DGKI: variants seen among roughly 807,000 people sequenced by gnomAD.
DGKI encodes the protein diacylglycerol kinase iota, also known as DAG kinase iota.
A neutral mutation model predicts 147.5 loss-of-function variants in DGKI; 55 were observed. The ratio of observed to expected loss-of-function variants is 0.37; its 90% CI spans 0.30 to 0.47. The LOEUF is 0.47. DGKI is among the 20% of genes least tolerant of loss of function. The pLI, the probability that DGKI is intolerant of heterozygous loss-of-function variation, is 1.00. For missense variants in DGKI, 1,007 were observed against 1,323.8 expected (o/e 0.76, Z 3.71); for synonymous variants, 469 against 477.1 (o/e 0.98, Z 0.22).
intron 1 of DGKI, among the ~76,000 whole-genome samples, chr7:137,838,205 A>G (rs909911553): frequency 6.6e-6 from 1 of 151,834 alleles, no homozygotes; most frequent in African/African-American, 2.4e-5. Flanking sequence ...GGGTTTTACC[A>G]TGTTGGCCAG....
At chr7:137,615,754 A>T (rs1321754607) in intron 8 of DGKI, among the ~76,000 whole-genome samples, 1 of 152,136 alleles carries the variant, frequency 6.6e-6, no homozygotes, top group Middle Eastern at 3.2e-3. Context: ...CTATGAACAG[A>T]TCAGAGACAC....
At chr7:137,598,044 T>C in intron 11 of DGKI, 137 bp from the exon 12 acceptor site, 1 of 700,420 alleles carries the variant, frequency 1.4e-6, no homozygotes, top group Non-Finnish European at 2.5e-6. Flanking sequence ...GACAATGCTA[T>C]CATAGGTCCC....
chr7:137,775,759 G>C (rs1216696978), intron 1 of DGKI, among the ~76,000 whole-genome samples: 2 of 152,136 alleles, frequency 1.3e-5, no homozygotes, highest in Non-Finnish European at 2.9e-5. Flanking sequence ...GAACTCGATA[G>C]ATAAACTTAT....
intron 3 of DGKI, among the ~76,000 whole-genome samples, chr7:137,665,432 T>C (rs891680163): frequency 6.6e-6 from 1 of 152,214 alleles, no homozygotes; most frequent in African/African-American, 2.4e-5. Context: ...TTGCTGTTCA[T>C]GTGTATGCTG....
At chr7:137,823,647 G>C (rs1797970909) in intron 1 of DGKI, among the ~76,000 whole-genome samples, 1 of 152,214 alleles carries the variant, frequency 6.6e-6, no homozygotes, top group Admixed American at 6.5e-5. Flanking sequence ...AAATCTGGAA[G>C]TCAGAGGATC....
chr7:137,396,891 G>T (rs1217201801), intron 31 of DGKI, among the ~76,000 whole-genome samples: 1 of 152,218 alleles, frequency 6.6e-6, no homozygotes, highest in African/African-American at 2.4e-5. Context: ...AACCACAGAA[G>T]ACAGAAAATA....
intron 20 of DGKI, among the ~76,000 whole-genome samples, chr7:137,536,126 T>C (rs945711970): frequency 1.3e-5 from 2 of 152,070 alleles, no homozygotes; most frequent in African/African-American, 4.8e-5. Flanking sequence ...ATAATAGAGA[T>C]AAATATACAT....
chr7:137,521,740 T>A (rs1816967560), intron 21 of DGKI, 126 bp downstream of exon 21: 2 of 692,968 alleles, frequency 2.9e-6, no homozygotes, highest in Non-Finnish European at 5.0e-6. Flanking sequence ...TTACTGTGTT[T>A]CACTTCACTT....
chr7:137,397,476 A>T, intron 30 of DGKI, 63 bp from the exon 31 acceptor site: 3 of 1,521,842 alleles, frequency 2.0e-6, no homozygotes, highest in Non-Finnish European at 2.7e-6. Flanking sequence ...ATTAACAGAA[A>T]ATCTATAGTC....
chr7:137,766,061 C>A (rs1423555996), intron 1 of DGKI, among the ~76,000 whole-genome samples: 1 of 152,152 alleles, frequency 6.6e-6, no homozygotes. Context: ...AACCAGCTCT[C>A]AGCCCCTTTC....
At chr7:137,415,332 T>A (rs1169424145) in intron 28 of DGKI, among the ~76,000 whole-genome samples, 5 of 152,340 alleles carry the variant, frequency 3.3e-5, no homozygotes, top group Middle Eastern at 3.4e-3. Context: ...AACAACTATT[T>A]ATATAGCATT....
At chr7:137,443,344 A>C (rs1813585641) in intron 28 of DGKI, among the ~76,000 whole-genome samples, 1 of 152,212 alleles carries the variant, frequency 6.6e-6, no homozygotes, top group Non-Finnish European at 1.5e-5. Flanking sequence ...AGAAATATAG[A>C]GGTATGGATA....
chr7:137,811,730 TGAA>T (rs1563208797), intron 1 of DGKI, among the ~76,000 whole-genome samples: 1 of 152,248 alleles, frequency 6.6e-6, no homozygotes, highest in African/African-American at 2.4e-5. Context: ...GATTCCATAC[TGAA>T]GAAGAACTAC....
At chr7:137,538,487 C>T (rs1817588046) in intron 20 of DGKI, among the ~76,000 whole-genome samples, 1 of 152,188 alleles carries the variant, frequency 6.6e-6, no homozygotes, top group South Asian at 2.1e-4. Context: ...AGCAGACCCA[C>T]ACAATTTAGC....
At chr7:137,561,660 C>T (rs770638646) in intron 19 of DGKI, among the ~76,000 whole-genome samples, 2 of 152,016 alleles carry the variant, frequency 1.3e-5, no homozygotes, top group Non-Finnish European at 2.9e-5. Flanking sequence ...TGTGTTGAAG[C>T]ATCATTATGT....
chr7:137,553,946 C>T (rs974280602), intron 19 of DGKI, among the ~76,000 whole-genome samples: 34 of 152,256 alleles, frequency 2.2e-4, no homozygotes, highest in African/African-American at 6.5e-4. Context: ...TGAGTCTAAC[C>T]GGACTGAAAA....
intron 3 of DGKI, among the ~76,000 whole-genome samples, chr7:137,668,717 A>G (rs1822733350): frequency 6.6e-6 from 1 of 152,176 alleles, no homozygotes; most frequent in Non-Finnish European, 1.5e-5. Context: ...GTGTGCTGTA[A>G]AAGGTTGACA....
rs556493156 is a variant in DGKI, at chr7:137,694,849, G to A, written c.402-4847C>T. Among the ~76,000 whole-genome samples, 20 of 152,208 alleles carry A rather than the reference G, an allele frequency of 1.3e-4. 1 individual carries two copies. In the South Asian group the frequency reaches 3.7e-3, roughly 28 times the overall value. Reference sequence around the variant, plus strand: ...CAATAAAAAAATTGTCCCAAGCCCCGCACAAACTTCACCTCTGATTTATGT... The same window carrying A: ...CAATAAAAAAATTGTCCCAAGCCCCACACAAACTTCACCTCTGATTTATGT... On this transcript the variant is annotated intron_variant, in intron 1 of 32. Coordinates refer to ENST00000614521, the MANE Select transcript of DGKI (RefSeq NM_001321708.2).
intron 1 of DGKI, among the ~76,000 whole-genome samples, chr7:137,718,637 A>C (rs1194046856): frequency 6.6e-6 from 1 of 152,196 alleles, no homozygotes; most frequent in Non-Finnish European, 1.5e-5. Context: ...GTGAAAAAGA[A>C]GCCTCTGAAA....
Sources: gnomAD v4.1 joint callset for allele counts (sites outside exome capture counted in the v4.1 genomes callset) on GRCh38, gnomAD v4.1.1 for gene constraint, MANE v1.5 for transcripts, NCBI Gene and HGNC (gene_info 2026-07-23, HGNC 2026-07-21) for gene names.